LAMA2: variants seen among roughly 807,000 people sequenced by gnomAD.
LAMA2 encodes laminin subunit alpha-2.
Under a neutral mutation model 364.8 loss-of-function variants are expected in LAMA2, and 269 were observed. The ratio of observed to expected loss-of-function variants is 0.74; its 90% CI spans 0.67 to 0.82. The LOEUF is 0.82. LAMA2 is among the 40% of genes least tolerant of loss of function. The pLI, the probability that LAMA2 is intolerant of heterozygous loss-of-function variation, is 0.00. For synonymous variants in LAMA2, 1,379 were observed against 1,370.6 expected (o/e 1.01, Z -0.14); for missense variants, 3,807 against 3,873.2 (o/e 0.98, Z 0.45).
chr6:128,981,799 C>T (rs921407904), intron 1 of LAMA2, among the ~76,000 whole-genome samples: 4 of 152,112 alleles, frequency 2.6e-5, no homozygotes, highest in African/African-American at 9.7e-5. Context: ...TCCAAAATAA[C>T]ATGTCTTTCC....
At chr6:129,344,528 A>G (rs976108569) in intron 30 of LAMA2, among the ~76,000 whole-genome samples, 1 of 152,348 alleles carries the variant, frequency 6.6e-6, no homozygotes, top group Admixed American at 6.5e-5. Context: ...CTGAATGGAA[A>G]TATGCAAATA....
At chr6:129,250,484 A>G (rs1786097653) in intron 13 of LAMA2, among the ~76,000 whole-genome samples, 1 of 152,196 alleles carries the variant, frequency 6.6e-6, no homozygotes, top group Non-Finnish European at 1.5e-5. Context: ...CAAAATTTAA[A>G]TATTATGAAA....
At chr6:129,326,088 C>T (rs777660786) in intron 28 of LAMA2, among the ~76,000 whole-genome samples, 2 of 152,218 alleles carry the variant, frequency 1.3e-5, no homozygotes, top group African/African-American at 2.4e-5. Flanking sequence ...AATCCAGCCA[C>T]CTCAGCCTCC....
intron 1 of LAMA2, among the ~76,000 whole-genome samples, chr6:128,985,672 C>T (rs1163418744): frequency 6.6e-6 from 1 of 152,060 alleles, no homozygotes; most frequent in Non-Finnish European, 1.5e-5. Context: ...TATCACCCAT[C>T]AACTAATTTT....
intron 27 of LAMA2, among the ~76,000 whole-genome samples, chr6:129,317,697 T>C (rs1352969524): frequency 6.6e-6 from 1 of 152,068 alleles, no homozygotes. Context: ...CAGATTTGCA[T>C]GTCTTAGAAA....
At chr6:129,494,416 A>T (rs72978676) in intron 58 of LAMA2, among the ~76,000 whole-genome samples, 2,094 of 152,322 alleles carry the variant, frequency 0.014, 30 homozygotes, top group Non-Finnish European at 0.021. Context: ...TACAACATAG[A>T]GTTATGAAAA....
Position 129,260,751 on chromosome 6 carries a change from A to C in LAMA2, c.2137A>C (p.Thr713Pro). 1 of 1,612,748 alleles carries C rather than the reference A, an allele frequency of 6.2e-7. No homozygotes were observed. The highest frequency in any genetic ancestry group is 8.5e-7 in the Non-Finnish European group (1 of 1,178,976). ...VNLESAVSYPTDGSIAAAVEV... is the reference protein window; with the variant it reads ...VNLESAVSYPPDGSIAAAVEV... ...CCTTGAATCCGCTGTCTCCTATCCT[A>C]CTGATGGAAGCATTGCAGCAGCTGT... is the stretch of plus-strand genomic sequence containing the variant. Residue 713 changes from threonine to proline, a missense_variant, in exon 15 of 65, where the codon ACT (threonine) becomes CCT (proline). Coordinates refer to ENST00000421865, the MANE Select transcript of LAMA2 (RefSeq NM_000426.4).
At chr6:129,190,589 A>T (rs573198458) in intron 11 of LAMA2, among the ~76,000 whole-genome samples, 40 of 152,324 alleles carry the variant, frequency 2.6e-4, no homozygotes, top group African/African-American at 8.7e-4. Flanking sequence ...AGTGTCCATG[A>T]TTACTCTATG....
At chr6:129,270,317 G>T (rs1201966392) in intron 16 of LAMA2, among the ~76,000 whole-genome samples, 1 of 127,574 alleles carries the variant, frequency 7.8e-6, no homozygotes, top group African/African-American at 2.9e-5. Flanking sequence ...ACACACACAC[G>T]CAATATCATG....
At chr6:129,081,064 TA>T (rs1471723187) in intron 3 of LAMA2, among the ~76,000 whole-genome samples, 2 of 152,126 alleles carry the variant, frequency 1.3e-5, no homozygotes. Flanking sequence ...TATGTAGCCA[TA>T]AAAAATGAAG....
At position 129,352,976 on chromosome 6, in the gene LAMA2, G is replaced by A. The variant is rs554786465; in HGVS notation, c.4524-188G>A. 4.0e-5 allele frequency among the ~76,000 whole-genome samples: 6 copies of A among 151,800 alleles called. No individual in the cohort carries two copies. The South Asian group carries it at 1.0e-3, about 26-fold the overall frequency. ...TTTAGAATTTTATTTCTTTTTCACGGCATAATCTTGATTTTTCCTATGTCC... is the reference window on the plus strand; with the variant it reads ...TTTAGAATTTTATTTCTTTTTCACGACATAATCTTGATTTTTCCTATGTCC... On this transcript the variant is annotated intron_variant, in intron 31 of 64. Transcript: ENST00000421865.
intron 41 of LAMA2, among the ~76,000 whole-genome samples, chr6:129,432,589 A>C (rs915064116): frequency 6.6e-6 from 1 of 152,202 alleles, no homozygotes; most frequent in Non-Finnish European, 1.5e-5. Flanking sequence ...GACCAGAAAT[A>C]AACAGAAATG....
At chr6:129,375,294 G>A (rs1308836522) in intron 34 of LAMA2, among the ~76,000 whole-genome samples, 1 of 151,962 alleles carries the variant, frequency 6.6e-6, no homozygotes, top group Non-Finnish European at 1.5e-5. Flanking sequence ...CTGCCCTACA[G>A]TATGTGTGAA....
intron 7 of LAMA2, among the ~76,000 whole-genome samples, chr6:129,151,551 A>G (rs560655522): frequency 6.6e-6 from 1 of 152,206 alleles, no homozygotes; most frequent in African/African-American, 2.4e-5. Flanking sequence ...TGCTGTAAAG[A>G]TACTACCCGA....
intron 22 of LAMA2, among the ~76,000 whole-genome samples, chr6:129,303,075 C>A (rs1773647763): frequency 6.6e-6 from 1 of 152,006 alleles, no homozygotes; most frequent in Non-Finnish European, 1.5e-5. Context: ...TATTAGATAT[C>A]CCAGTGTATG....
chr6:129,270,603 T>A lies in LAMA2; in HGVS notation c.2323-21T>A, dbSNP rs768845819. On this transcript the variant is annotated intron_variant, in intron 16 of 64. Transcript: ENST00000421865. Reference sequence around the variant, plus strand: ...TCCCTGACACCAAAATAATAAACTCTGATGCTCATTTCTTTCTCAGAACTG... The same window carrying A: ...TCCCTGACACCAAAATAATAAACTCAGATGCTCATTTCTTTCTCAGAACTG... The A allele has an allele frequency of 3.1e-6, 5 of 1,612,490 alleles. No individual in the cohort carries two copies. In the African/African-American group the frequency reaches 5.3e-5, roughly 17 times the overall value.
In LAMA2 at chr6:128,921,094, C is replaced by T. The variant is rs555803475; in HGVS notation, c.112+37737C>T. On this transcript the variant is annotated intron_variant, in intron 1 of 64. Transcript: ENST00000421865. Reference sequence around the variant, plus strand: ...CCTGCAATGTACAAACTTATCAGAACATCTCATATAGTAACATAATTTTCA... The same window carrying T: ...CCTGCAATGTACAAACTTATCAGAATATCTCATATAGTAACATAATTTTCA... 3.3e-5 allele frequency among the ~76,000 whole-genome samples: 5 copies of T among 152,280 alleles called. No homozygotes were observed. The South Asian group carries it at 8.3e-4, about 25-fold the overall frequency.
chr6:129,158,488 G>A (rs1779257964), intron 8 of LAMA2: 2 of 1,613,920 alleles, frequency 1.2e-6, no homozygotes, highest in Non-Finnish European at 1.7e-6. Flanking sequence ...CTTTGTGACT[G>A]GTCAATAAGG....
chr6:129,388,277 AAC>A (rs1159247900), intron 35 of LAMA2, among the ~76,000 whole-genome samples: 57 of 151,874 alleles, frequency 3.8e-4, no homozygotes, highest in Non-Finnish European at 6.6e-4. Flanking sequence ...AACAAAAACA[AAC>A]AAACAAAAAA....
Sources: allele counts gnomAD v4.1 joint callset (sites outside exome capture counted in the v4.1 genomes callset), GRCh38; gene constraint gnomAD v4.1.1; transcripts MANE v1.5; gene names NCBI Gene and HGNC (gene_info 2026-07-23, HGNC 2026-07-21).